The following GABRB1 variants were observed in gnomAD, a reference collection of about 807,000 sequenced individuals.
GABRB1 encodes gamma-aminobutyric acid receptor subunit beta-1.
GABRB1 carries 17 observed loss-of-function variants against 51.6 expected under a neutral mutation model. The ratio of observed to expected loss-of-function variants is 0.33; its 90% confidence interval spans 0.23 to 0.49. The LOEUF (loss-of-function observed/expected upper bound fraction) is 0.49. Ranked by LOEUF, GABRB1 falls within the 20% of genes least tolerant of loss-of-function variation. The pLI is 0.99. For synonymous variants in GABRB1, 247 were observed against 218.9 expected (o/e 1.13, Z -1.14); for missense variants, 410 against 600.6 (o/e 0.68, Z 3.32).
chr4:47,227,193 G>A (rs1215397589), intron 4 of GABRB1, among the ~76,000 whole-genome samples: 1 of 152,068 alleles, frequency 6.6e-6, no homozygotes, highest in Non-Finnish European at 1.5e-5. Context: ...GTGTCATTTA[G>A]GGAAGGCAAA....
chr4:47,118,292 G>A (rs1172399158), intron 3 of GABRB1, among the ~76,000 whole-genome samples: 1 of 152,070 alleles, frequency 6.6e-6, no homozygotes, highest in Non-Finnish European at 1.5e-5. Flanking sequence ...CATTTGCCAT[G>A]TAATTTCAGT....
chr4:47,149,172 G>T (rs942662852), intron 3 of GABRB1, among the ~76,000 whole-genome samples: 1 of 151,750 alleles, frequency 6.6e-6, no homozygotes. Flanking sequence ...GAAAGCACCC[G>T]GTAAAATGCT....
intron 4 of GABRB1, among the ~76,000 whole-genome samples, chr4:47,246,081 C>T (rs866565973): frequency 4.0e-5 from 6 of 149,302 alleles, no homozygotes; most frequent in South Asian, 2.1e-4. Flanking sequence ...TTCTCCCCCC[C>T]CAAGTCCCCA....
At chr4:47,423,116 T>A (rs1729141276) in intron 8 of GABRB1, among the ~76,000 whole-genome samples, 1 of 149,974 alleles carries the variant, frequency 6.7e-6, no homozygotes, top group Non-Finnish European at 1.5e-5. Flanking sequence ...CTAAAGGATA[T>A]GTGAATGGAA....
chr4:47,089,390 A>C (rs1164550969), intron 3 of GABRB1, among the ~76,000 whole-genome samples: 2 of 152,176 alleles, frequency 1.3e-5, no homozygotes, highest in African/African-American at 4.8e-5. Context: ...TCTGCCTCAA[A>C]GTGCCAGTTT....
intron 3 of GABRB1, among the ~76,000 whole-genome samples, chr4:47,148,440 A>G (rs368621224): frequency 5.9e-5 from 9 of 152,110 alleles, no homozygotes; most frequent in East Asian, 1.9e-4. Context: ...ATGTAAATTA[A>G]GAGACATTTA....
chr4:47,381,446 T>G (rs1472333576), intron 5 of GABRB1, among the ~76,000 whole-genome samples: 1 of 152,162 alleles, frequency 6.6e-6, no homozygotes, highest in Non-Finnish European at 1.5e-5. Flanking sequence ...TGAGATCTCT[T>G]TCAGGAACAC....
At chr4:47,066,246 A>G (rs1727077418) in intron 3 of GABRB1, among the ~76,000 whole-genome samples, 1 of 152,228 alleles carries the variant, frequency 6.6e-6, no homozygotes, top group Non-Finnish European at 1.5e-5. Flanking sequence ...TTAATTTAAA[A>G]TACTTTATTA....
intron 4 of GABRB1, among the ~76,000 whole-genome samples, chr4:47,311,968 G>A (rs1289699105): frequency 6.6e-6 from 1 of 151,772 alleles, no homozygotes; most frequent in Non-Finnish European, 1.5e-5. Flanking sequence ...TTCCAATAAT[G>A]CTGTCAGGAT....
chr4:47,108,982 A>AT (rs1715104009), intron 3 of GABRB1, among the ~76,000 whole-genome samples: 1 of 152,062 alleles, frequency 6.6e-6, no homozygotes, highest in South Asian at 2.1e-4. Flanking sequence ...AGAATTACTT[A>AT]TTACTTTGAG....
At chr4:47,023,141 G>A (rs55862433) in intron 1 of GABRB1, among the ~76,000 whole-genome samples, 3,610 of 152,078 alleles carry the variant, frequency 0.024, 65 homozygotes, top group Middle Eastern at 0.044. Flanking sequence ...TGAACTCATG[G>A]ACATAGAGAG....
At chr4:47,202,576 A>G (rs1339996454) in intron 4 of GABRB1, among the ~76,000 whole-genome samples, 1 of 152,180 alleles carries the variant, frequency 6.6e-6, no homozygotes, top group Admixed American at 6.5e-5. Flanking sequence ...TTAGTAGTCA[A>G]CTGGTTCCCA....
chr4:47,196,833 T>A (rs758745023), intron 4 of GABRB1, among the ~76,000 whole-genome samples: 29 of 152,248 alleles, frequency 1.9e-4, no homozygotes, highest in Non-Finnish European at 3.5e-4. Context: ...AGTATTTCTG[T>A]GCCTCATGAA....
intron 4 of GABRB1, among the ~76,000 whole-genome samples, chr4:47,290,927 G>A (rs1390100980): frequency 1.3e-5 from 2 of 152,136 alleles, no homozygotes; most frequent in Non-Finnish European, 2.9e-5. Flanking sequence ...CAATGTGATG[G>A]AAAAGAAAAA....
intron 4 of GABRB1, among the ~76,000 whole-genome samples, chr4:47,316,668 A>G (rs1724903385): frequency 6.6e-6 from 1 of 151,936 alleles, no homozygotes; most frequent in Non-Finnish European, 1.5e-5. Flanking sequence ...ACTTCTAGAG[A>G]CCAACAATTT....
intron 3 of GABRB1, among the ~76,000 whole-genome samples, chr4:47,072,513 A>G (rs1359477799): frequency 6.6e-6 from 1 of 152,198 alleles, no homozygotes; most frequent in Non-Finnish European, 1.5e-5. Flanking sequence ...TGTATCATAT[A>G]AGAAGCATTA....
intron 5 of GABRB1, among the ~76,000 whole-genome samples, chr4:47,339,188 C>T (rs1324485260): frequency 6.6e-6 from 1 of 152,084 alleles, no homozygotes; most frequent in African/African-American, 2.4e-5. Context: ...AAAGAAAATC[C>T]AGGTGGAAGA....
intron 8 of GABRB1, 21 bp downstream of exon 8, chr4:47,406,947 A>T (rs539442260): frequency 1.2e-6 from 2 of 1,605,666 alleles, no homozygotes; most frequent in Admixed American, 1.7e-5. Flanking sequence ...AAATATTCCT[A>T]ACAATATTCT....
At chr4:47,268,737 T>C (rs2109889682) in intron 4 of GABRB1, among the ~76,000 whole-genome samples, 1 of 152,316 alleles carries the variant, frequency 6.6e-6, no homozygotes, top group Admixed American at 6.5e-5. Context: ...CAATATGTAC[T>C]GATAGCATTA....
Sources: gnomAD v4.1 joint callset for allele counts (sites outside exome capture counted in the v4.1 genomes callset) on GRCh38, gnomAD v4.1.1 for gene constraint, MANE v1.5 for transcripts, NCBI Gene and HGNC (gene_info 2026-07-23, HGNC 2026-07-21) for gene names.